HDAC9: variants seen among roughly 807,000 people sequenced by gnomAD.
HDAC9 encodes the protein MEF-2 interacting transcription repressor (MITR) protein.
In HDAC9, 41 loss-of-function variants were observed where a neutral mutation model predicts 139.4. That is an observed-to-expected ratio of 0.29 (90% confidence interval 0.23 to 0.38). The LOEUF (loss-of-function observed/expected upper bound fraction) is 0.38. Among genes scored for constraint, HDAC9 ranks in the 10% least tolerant of loss-of-function variants. HDAC9 has a pLI of 1.00. For synonymous variants in HDAC9, 517 were observed against 476.2 expected, an observed-to-expected ratio of 1.09 and a Z score of -1.12; for missense variants, 1,147 against 1,297.0, an observed-to-expected ratio of 0.88 and a Z score of 1.78.
chr7:18,182,665 A>G (rs1789542370), intron 2 of HDAC9, among the ~76,000 whole-genome samples: 1 of 152,138 alleles, frequency 6.6e-6, no homozygotes, highest in South Asian at 2.1e-4. Flanking sequence ...GGAAATTGAG[A>G]CTTTGAGGGG....
intron 2 of HDAC9, among the ~76,000 whole-genome samples, chr7:18,174,380 G>A (rs1038757032): frequency 6.6e-6 from 1 of 152,096 alleles, no homozygotes; most frequent in African/African-American, 2.4e-5. Flanking sequence ...TAGCTTCCTT[G>A]CGATGGGTTC....
At chr7:18,341,685 CAATT>C (rs1782025194) in intron 1 of HDAC9, among the ~76,000 whole-genome samples, 1 of 151,592 alleles carries the variant, frequency 6.6e-6, no homozygotes, top group South Asian at 2.1e-4. Context: ...ATTTTCTCTT[CAATT>C]AATTCTAGGG....
At chr7:18,530,305 T>C (rs1280761614) in intron 2 of HDAC9, among the ~76,000 whole-genome samples, 1 of 152,142 alleles carries the variant, frequency 6.6e-6, no homozygotes, top group African/African-American at 2.4e-5. Context: ...AAATAATGTA[T>C]GTTCTATCTG....
At chr7:18,634,889 GA>G (rs1328987049) in intron 8 of HDAC9, 147 bp downstream of exon 8, 8 of 541,164 alleles carry the variant, frequency 1.5e-5, no homozygotes, top group Non-Finnish European at 2.6e-5. Flanking sequence ...TAAACCAATT[GA>G]AAAAAATTGA....
At chr7:18,326,951 C>G (rs1019411595) in intron 1 of HDAC9, among the ~76,000 whole-genome samples, 2 of 151,828 alleles carry the variant, frequency 1.3e-5, no homozygotes, top group African/African-American at 2.4e-5. Context: ...GTCATTTCAT[C>G]ATTATGATTT....
At chr7:18,729,679 T>C (rs530384045) in intron 13 of HDAC9, among the ~76,000 whole-genome samples, 1 of 74,552 alleles carries the variant, frequency 1.3e-5, no homozygotes, top group African/African-American at 1.1e-4. Context: ...AGAGTTAGGT[T>C]TTTTTCCCCC....
intron 2 of HDAC9, among the ~76,000 whole-genome samples, chr7:18,265,100 A>G (rs151274564): frequency 1.3e-5 from 2 of 152,162 alleles, no homozygotes; most frequent in Admixed American, 6.5e-5. Context: ...TGAAGAATGG[A>G]AAGGACTTTT....
intron 2 of HDAC9, among the ~76,000 whole-genome samples, chr7:18,539,032 C>G (rs996217860): frequency 7.2e-5 from 11 of 152,066 alleles, no homozygotes; most frequent in African/African-American, 2.7e-4. Context: ...GGGGCCTCTA[C>G]CCTGATGACC....
chr7:18,740,212 C>T (rs1388958294), intron 13 of HDAC9, among the ~76,000 whole-genome samples: 2 of 152,154 alleles, frequency 1.3e-5, no homozygotes, highest in African/African-American at 2.4e-5. Context: ...ATCCCCCAAC[C>T]CCTTGTGCTT....
intron 1 of HDAC9, among the ~76,000 whole-genome samples, chr7:18,459,823 G>A (rs1467208861): frequency 6.6e-6 from 1 of 151,944 alleles, no homozygotes; most frequent in Non-Finnish European, 1.5e-5. Flanking sequence ...ATTTAAGAAA[G>A]GCATCCATCT....
chr7:18,990,030 G>A lies in HDAC9; in HGVS notation c.3171-5993G>A, dbSNP rs369466871. The stretch of plus-strand genomic sequence containing the variant: ...TCCCGTAGCTCAGAGTAATTTGATC[G>A]TCTGAAGCCTTCTTCTCTCAGCTCA... On this transcript the variant is annotated intron_variant, in intron 25 of 25. Transcript: ENST00000686413. Among the ~76,000 whole-genome samples, 47 of 151,842 alleles carry A rather than the reference G, an allele frequency of 3.1e-4. No homozygotes were observed. In the South Asian group the frequency reaches 5.4e-3, roughly 17 times the overall value.
intron 2 of HDAC9, among the ~76,000 whole-genome samples, chr7:18,566,768 T>C (rs191159782): frequency 1.2e-3 from 185 of 152,356 alleles, no homozygotes; most frequent in African/African-American, 4.4e-3. Flanking sequence ...ATTTATTCAT[T>C]ACTTGTTCTT....
intron 16 of HDAC9, among the ~76,000 whole-genome samples, chr7:18,786,009 ATAACTT>A (rs1791681801): frequency 1.3e-5 from 2 of 152,316 alleles, no homozygotes; most frequent in East Asian, 1.9e-4. Context: ...TAAAAAGAAA[ATAACTT>A]TATAGAGTAG....
At position 18,546,959 on chromosome 7, in the gene HDAC9, A is replaced by C. The variant is rs541567406; in HGVS notation, c.23-38322A>C. On this transcript the variant is annotated intron_variant, in intron 2 of 25. Coordinates refer to ENST00000686413, the MANE Select transcript of HDAC9 (RefSeq NM_178425.4). Reference sequence around the variant, plus strand: ...AACTTCTACTAAATATTTTTGCTAGAGCAGCTAAAATGCAGTCTGCCTGTG... The same window carrying C: ...AACTTCTACTAAATATTTTTGCTAGCGCAGCTAAAATGCAGTCTGCCTGTG... Among the ~76,000 whole-genome samples the C allele has an allele frequency of 6.6e-5, 10 of 152,378 alleles. No homozygotes were observed. The South Asian group carries it at 2.1e-3, about 32-fold the overall frequency.
intron 21 of HDAC9, among the ~76,000 whole-genome samples, chr7:18,869,022 T>A (rs1222907397): frequency 6.6e-6 from 1 of 152,104 alleles, no homozygotes; most frequent in Non-Finnish European, 1.5e-5. Flanking sequence ...ATGTCCTTTA[T>A]AATAAAGTTA....
intron 1 of HDAC9, among the ~76,000 whole-genome samples, chr7:18,478,068 A>C (rs1166280396): frequency 1.3e-5 from 2 of 150,872 alleles, no homozygotes; most frequent in Admixed American, 6.6e-5. Flanking sequence ...ACAAACAAAC[A>C]AAAAAAACTT....
intron 1 of HDAC9, among the ~76,000 whole-genome samples, chr7:18,140,533 G>A (rs1041499489): frequency 1.3e-5 from 2 of 151,962 alleles, no homozygotes; most frequent in African/African-American, 4.8e-5. Context: ...TCAATACTTT[G>A]TATTATGTAG....
At chr7:18,650,862 A>G (rs1385698996) in intron 11 of HDAC9, among the ~76,000 whole-genome samples, 2 of 152,182 alleles carry the variant, frequency 1.3e-5, no homozygotes, top group African/African-American at 2.4e-5. Flanking sequence ...GGGTGTTTAG[A>G]TGACTCAAGC....
At chr7:18,525,777 G>C (rs985691963) in intron 2 of HDAC9, among the ~76,000 whole-genome samples, 2 of 152,174 alleles carry the variant, frequency 1.3e-5, no homozygotes, top group African/African-American at 4.8e-5. Context: ...ATAGGATGCT[G>C]TATATCTGTT....
Sources: allele counts gnomAD v4.1 joint callset (sites outside exome capture counted in the v4.1 genomes callset), GRCh38; gene constraint gnomAD v4.1.1; transcripts MANE v1.5; gene names NCBI Gene and HGNC (gene_info 2026-07-23, HGNC 2026-07-21).